Variants in MLLT10 observed in about 807,000 individuals in gnomAD.
The protein encoded by MLLT10 is MLLT10 histone lysine methyltransferase DOT1L cofactor, also known as protein AF-10.
In MLLT10, 30 loss-of-function variants were observed where a neutral mutation model predicts 129.1. That is an observed-to-expected ratio of 0.23 (90% CI 0.17 to 0.32). The LOEUF (loss-of-function observed/expected upper bound fraction) is 0.32. Ranked by LOEUF, MLLT10 falls within the 10% of genes least tolerant of loss-of-function variation. MLLT10 has a pLI of 1.00. For synonymous variants in MLLT10, 490 were observed against 446.4 expected (o/e 1.10, Z -1.23); for missense variants, 1,119 against 1,268.3 (o/e 0.88, Z 1.79).
At position 21,733,604 on chromosome 10, in the gene MLLT10, A is replaced by G. The variant is rs773838144; in HGVS notation, c.2496+12A>G. 15 of 1,522,806 alleles carry G rather than the reference A, an allele frequency of 9.9e-6. No homozygotes were observed. In the Admixed American group the frequency reaches 1.1e-4, roughly 11 times the overall value. 94.3% of individuals were successfully genotyped at this position (1,522,806 alleles called of 1,614,324 possible). ...CTGTATTAAATCAGGTAATTTTTGT[A>G]TGGTTATTTTCATCTATGTTGATTT... On this transcript the variant is annotated intron_variant, in intron 19 of 22. Transcript: ENST00000307729.
chr10:21,725,711 T>C (rs2057443285), intron 14 of MLLT10, among the ~76,000 whole-genome samples: 3 of 112,724 alleles, frequency 2.7e-5, no homozygotes, highest in Admixed American at 2.6e-4. Flanking sequence ...AGAGTGAAAC[T>C]CTTTCTCAAA....
intron 8 of MLLT10, among the ~76,000 whole-genome samples, chr10:21,618,239 T>G (rs2045458060): frequency 6.6e-6 from 1 of 152,124 alleles, no homozygotes; most frequent in Non-Finnish European, 1.5e-5. Flanking sequence ...CTGGGCGTGG[T>G]GGCTCAAGCT....
intron 8 of MLLT10, among the ~76,000 whole-genome samples, chr10:21,643,104 C>T (rs751287560): frequency 5.3e-5 from 8 of 152,188 alleles, no homozygotes; most frequent in Non-Finnish European, 8.8e-5. Flanking sequence ...GCAATCTCGG[C>T]TCACTGCAAC....
chr10:21,534,589 G>T, intron 1 of MLLT10, 56 bp from the exon 2 acceptor site: 2 of 1,551,394 alleles, frequency 1.3e-6, no homozygotes, highest in Non-Finnish European at 1.8e-6. Flanking sequence ...TGTGTGGGGG[G>T]GAAGCACTAA....
intron 3 of MLLT10, chr10:21,557,626 A>G (rs551287547): frequency 1.8e-4 from 28 of 152,128 alleles, no homozygotes; most frequent in African/African-American, 6.7e-4. Flanking sequence ...TACAGACTCT[A>G]CTTCATGAGG....
chr10:21,717,743 C>T (rs1197925240), intron 14 of MLLT10, among the ~76,000 whole-genome samples: 2 of 131,602 alleles, frequency 1.5e-5, no homozygotes, highest in African/African-American at 5.8e-5. Flanking sequence ...CCTCTTCCTC[C>T]TCCTCTTCCT....
chr10:21,542,776 C>T (rs375011317), intron 3 of MLLT10, among the ~76,000 whole-genome samples: 3 of 152,120 alleles, frequency 2.0e-5, no homozygotes, highest in East Asian at 1.9e-4. Context: ...GTCCTAGCTA[C>T]GTGGGAGGCC....
At chr10:21,717,844 C>T (rs2056832987) in intron 14 of MLLT10, among the ~76,000 whole-genome samples, 2 of 146,570 alleles carry the variant, frequency 1.4e-5, no homozygotes, top group Non-Finnish European at 3.0e-5. Flanking sequence ...CCTCCTTCTC[C>T]TCCTCCTTCT....
chr10:21,651,833 A>G (rs1001384886), intron 9 of MLLT10, 65 bp downstream of exon 9: 4 of 1,104,500 alleles, frequency 3.6e-6, no homozygotes, highest in Non-Finnish European at 5.3e-6. Context: ...TTTCACCTCT[A>G]AAAACTGTTT....
intron 3 of MLLT10, among the ~76,000 whole-genome samples, chr10:21,544,417 A>G (rs1277069309): frequency 6.6e-6 from 1 of 152,192 alleles, no homozygotes; most frequent in African/African-American, 2.4e-5. Context: ...CAAGTTGCTC[A>G]GACACAGGAA....
At chr10:21,592,227 G>T (rs2042574419) in intron 4 of MLLT10, among the ~76,000 whole-genome samples, 1 of 152,128 alleles carries the variant, frequency 6.6e-6, no homozygotes, top group Non-Finnish European at 1.5e-5. Context: ...CATATTAAAT[G>T]TACCTACATG....
intron 21 of MLLT10, chr10:21,738,596 C>T: frequency 6.6e-6 from 8 of 1,213,120 alleles, no homozygotes; most frequent in Non-Finnish European, 7.4e-6. Context: ...ACAGCTTCCG[C>T]TCGACACTCT....
chr10:21,672,074 T>G (rs574286687), intron 10 of MLLT10, among the ~76,000 whole-genome samples: 1 of 152,126 alleles, frequency 6.6e-6, no homozygotes, highest in Non-Finnish European at 1.5e-5. Flanking sequence ...GGGATTTACA[T>G]AGGTCTCAGT....
At chr10:21,580,933 C>G (rs532165058) in intron 3 of MLLT10, among the ~76,000 whole-genome samples, 2 of 143,144 alleles carry the variant, frequency 1.4e-5, no homozygotes, top group African/African-American at 5.2e-5. Flanking sequence ...AGGCTGGTCT[C>G]GAACTCCTGA....
intron 13 of MLLT10, among the ~76,000 whole-genome samples, chr10:21,688,809 C>T (rs760968122): frequency 3.2e-4 from 48 of 152,052 alleles, no homozygotes; most frequent in Non-Finnish European, 8.8e-5. Context: ...GGCCTAGGCT[C>T]CTAGGTCTGA....
At chr10:21,690,577 C>T (rs1035317624) in intron 13 of MLLT10, among the ~76,000 whole-genome samples, 6 of 151,678 alleles carry the variant, frequency 4.0e-5, no homozygotes, top group Non-Finnish European at 5.9e-5. Flanking sequence ...TGCATCTGAG[C>T]GAGTTATTTT....
chr10:21,618,364 CTGG>C (rs1308654212), intron 8 of MLLT10, among the ~76,000 whole-genome samples: 1 of 151,584 alleles, frequency 6.6e-6, no homozygotes, highest in African/African-American at 2.4e-5. Flanking sequence ...TTATTCGGGC[CTGG>C]TGGTGGTTGT....
At chr10:21,541,846 T>G (rs928683270) in intron 3 of MLLT10, among the ~76,000 whole-genome samples, 2 of 152,254 alleles carry the variant, frequency 1.3e-5, no homozygotes, top group Non-Finnish European at 2.9e-5. Context: ...GATGATATGT[T>G]TTGGTTGTGT....
At chr10:21,609,549 C>T (rs1047272039) in intron 5 of MLLT10, among the ~76,000 whole-genome samples, 1 of 152,166 alleles carries the variant, frequency 6.6e-6, no homozygotes, top group Non-Finnish European at 1.5e-5. Context: ...CCATTGGGTG[C>T]AGCCTAGTTC....
Sources: gnomAD v4.1 joint callset for allele counts (sites outside exome capture counted in the v4.1 genomes callset) on GRCh38, gnomAD v4.1.1 for gene constraint, MANE v1.5 for transcripts, NCBI Gene and HGNC (gene_info 2026-07-23, HGNC 2026-07-21) for gene names.